Variants in ADK observed in about 807,000 individuals in gnomAD.
The protein encoded by ADK is N6,N6-dimethyladenosine kinase.
ADK carries 24 observed loss-of-function variants against 44.7 expected under a neutral mutation model. The observed-to-expected ratio is 0.54, with a 90% confidence interval of 0.39 to 0.76. The LOEUF is 0.76. Among genes scored for constraint, ADK ranks in the 30% least tolerant of loss-of-function variants. ADK has a pLI of 0.00. For synonymous variants in ADK, 128 were observed against 142.6 expected (o/e 0.90, Z 0.73); for missense variants, 321 against 425.1 (o/e 0.76, Z 2.15).
chr10:74,601,282 GA>G (rs1197544246), intron 9 of ADK, among the ~76,000 whole-genome samples: 1 of 151,894 alleles, frequency 6.6e-6, no homozygotes, highest in African/African-American at 2.4e-5. Context: ...AGTAAATCTT[GA>G]AAAAAGATGT....
intron 6 of ADK, among the ~76,000 whole-genome samples, chr10:74,425,773 T>TAA (rs1357504707): frequency 6.6e-6 from 1 of 152,202 alleles, no homozygotes; most frequent in African/African-American, 2.4e-5. Flanking sequence ...TACTTTGTTT[T>TAA]AACCTTTTGA....
intron 6 of ADK, among the ~76,000 whole-genome samples, chr10:74,480,875 G>T (rs1176929781): frequency 6.6e-6 from 1 of 152,064 alleles, no homozygotes; most frequent in Non-Finnish European, 1.5e-5. Context: ...AGTTTTCTTA[G>T]ACTATATTTT....
At position 74,159,590 on chromosome 10, in the gene ADK, C is replaced by A. The variant is rs148540891; in HGVS notation, c.65+8247C>A. Reference sequence around the variant, plus strand: ...AGTTGACTCAACCTAACTGGAAAGTCCATCTAATTTTTTTTTTTTTGAGAT... The same window carrying A: ...AGTTGACTCAACCTAACTGGAAAGTACATCTAATTTTTTTTTTTTTGAGAT... On this transcript the variant is annotated intron_variant, in intron 1 of 10. Coordinates refer to ENST00000539909, the MANE Select transcript of ADK (RefSeq NM_006721.4). 5.9e-5 allele frequency among the ~76,000 whole-genome samples: 9 copies of A among 152,130 alleles called. No homozygotes were observed. In the East Asian group the frequency reaches 1.7e-3, roughly 29 times the overall value.
At chr10:74,443,760 A>G in intron 6 of ADK, among the ~76,000 whole-genome samples, 1 of 152,164 alleles carries the variant, frequency 6.6e-6, no homozygotes, top group East Asian at 1.9e-4. Flanking sequence ...GACTACTGTG[A>G]CCACTTGGCA....
At chr10:74,502,639 A>G (rs1847922506) in intron 6 of ADK, among the ~76,000 whole-genome samples, 1 of 152,216 alleles carries the variant, frequency 6.6e-6, no homozygotes, top group Non-Finnish European at 1.5e-5. Context: ...TAAAAAAATT[A>G]TATAAATGAC....
intron 3 of ADK, among the ~76,000 whole-genome samples, chr10:74,262,313 CAAA>C (rs35282438): frequency 1.9e-5 from 2 of 107,618 alleles, no homozygotes; most frequent in South Asian, 3.1e-4. Context: ...GACTTCATCT[CAAA>C]AAAAAAAAAA....
intron 6 of ADK, among the ~76,000 whole-genome samples, chr10:74,421,230 T>C (rs573378293): frequency 3.3e-5 from 5 of 152,296 alleles, no homozygotes; most frequent in African/African-American, 1.2e-4. Flanking sequence ...ATAGAAACAC[T>C]CTATTCTAGT....
chr10:74,460,286 CTG>C (rs1257581504), intron 6 of ADK, among the ~76,000 whole-genome samples: 2 of 152,170 alleles, frequency 1.3e-5, no homozygotes, highest in African/African-American at 4.8e-5. Context: ...TTGACATAAA[CTG>C]TGTTATCCTA....
At chr10:74,334,900 C>T (rs893591303) in intron 4 of ADK, among the ~76,000 whole-genome samples, 2 of 152,132 alleles carry the variant, frequency 1.3e-5, no homozygotes, top group African/African-American at 4.8e-5. Context: ...TCAGAGGCCT[C>T]TTTATGTGGG....
chr10:74,353,047 A>C (rs1175399942), intron 4 of ADK, among the ~76,000 whole-genome samples: 1 of 152,238 alleles, frequency 6.6e-6, no homozygotes, highest in African/African-American at 2.4e-5. Context: ...CATTTGACCG[A>C]GCAATCCCAT....
chr10:74,211,974 T>C (rs1351589477), intron 2 of ADK, among the ~76,000 whole-genome samples: 1 of 152,194 alleles, frequency 6.6e-6, no homozygotes, highest in Non-Finnish European at 1.5e-5. Context: ...TATTTTCTCT[T>C]ATTTGACTAC....
At chr10:74,627,802 T>G (rs928152537) in intron 9 of ADK, among the ~76,000 whole-genome samples, 5 of 152,114 alleles carry the variant, frequency 3.3e-5, no homozygotes, top group Admixed American at 6.5e-5. Context: ...CTGGCTAATT[T>G]TTTTTGGTAT....
chr10:74,167,949 C>A (rs551921800), intron 1 of ADK, among the ~76,000 whole-genome samples: 122 of 152,136 alleles, frequency 8.0e-4, no homozygotes, highest in African/African-American at 2.9e-3. Flanking sequence ...TTTCATAGTT[C>A]AATTTGAGTA....
intron 8 of ADK, among the ~76,000 whole-genome samples, chr10:74,592,472 C>T (rs1366415133): frequency 6.6e-6 from 1 of 152,210 alleles, no homozygotes; most frequent in South Asian, 2.1e-4. Context: ...TATATATTCT[C>T]TATCTTTTCA....
chr10:74,676,643 G>A (rs998062211), intron 10 of ADK, among the ~76,000 whole-genome samples: 3 of 151,974 alleles, frequency 2.0e-5, no homozygotes, highest in Non-Finnish European at 4.4e-5. Context: ...TGTTTTTGTA[G>A]AGACAGAGTC....
At chr10:74,218,873 A>G (rs1426553999) in intron 2 of ADK, among the ~76,000 whole-genome samples, 2 of 152,222 alleles carry the variant, frequency 1.3e-5, no homozygotes, top group Non-Finnish European at 2.9e-5. Context: ...AGGAAGCACT[A>G]AACAAGGAAA....
intron 6 of ADK, among the ~76,000 whole-genome samples, chr10:74,426,748 C>T (rs1844809554): frequency 6.6e-6 from 1 of 152,094 alleles, no homozygotes; most frequent in Non-Finnish European, 1.5e-5. Context: ...GGGACAGGGA[C>T]CTAAAATTGT....
chr10:74,467,617 T>C (rs1846410257), intron 6 of ADK, among the ~76,000 whole-genome samples: 1 of 152,102 alleles, frequency 6.6e-6, no homozygotes, highest in Non-Finnish European at 1.5e-5. Context: ...TGAAATCTTT[T>C]CTTTTTTATG....
chr10:74,611,789 T>C (rs1393147872), intron 9 of ADK, among the ~76,000 whole-genome samples: 2 of 152,122 alleles, frequency 1.3e-5, no homozygotes, highest in African/African-American at 4.8e-5. Context: ...TCTATGCTGC[T>C]GCAAAGGACA....
Sources: allele counts gnomAD v4.1 joint callset (sites outside exome capture counted in the v4.1 genomes callset), GRCh38; gene constraint gnomAD v4.1.1; transcripts MANE v1.5; gene names NCBI Gene and HGNC (gene_info 2026-07-23, HGNC 2026-07-21).